Variants in DPY30 observed in about 807,000 individuals in gnomAD.
DPY30 encodes the protein dpy-30 histone methyltransferase complex regulatory subunit, also known as protein dpy-30 homolog.
DPY30 carries 6 observed loss-of-function variants against 16.2 expected under a neutral mutation model. The ratio of observed to expected loss-of-function variants is 0.37; its 90% CI spans 0.20 to 0.73. DPY30 has a LOEUF of 0.73. Among genes scored for constraint, DPY30 ranks in the 30% least tolerant of loss-of-function variants. The pLI is 0.51. For synonymous variants in DPY30, 39 were observed against 38.8 expected (o/e 1.00, Z -0.02); for missense variants, 73 against 113.1 (o/e 0.65, Z 1.61).
chr2:32,038,797 A>G (rs1675853729), intron 3 of DPY30, among the ~76,000 whole-genome samples: 1 of 151,842 alleles, frequency 6.6e-6, no homozygotes, highest in Admixed American at 6.6e-5. Flanking sequence ...ACAGTCATCC[A>G]CCATCATGCC....
chr2:32,024,414 A>AAAT (rs1675259795), intron 4 of DPY30, among the ~76,000 whole-genome samples, 158 bp from the exon 5 acceptor site: 2 of 152,246 alleles, frequency 1.3e-5, no homozygotes, highest in Admixed American at 1.3e-4. Flanking sequence ...ATAAGCAAGC[A>AAAT]AATTAATTAG....
chr2:32,012,692 C>A (rs1197558212), intron 5 of DPY30, among the ~76,000 whole-genome samples: 1 of 152,070 alleles, frequency 6.6e-6, no homozygotes, highest in African/African-American at 2.4e-5. Flanking sequence ...CCGGCCTCGG[C>A]CTCCCAAAGT....
intron 4 of DPY30, among the ~76,000 whole-genome samples, chr2:32,027,283 A>C (rs1480109083): frequency 6.6e-6 from 1 of 150,808 alleles, no homozygotes; most frequent in Non-Finnish European, 1.5e-5. Flanking sequence ...AAAAAAAAAA[A>C]AAAAAACCAG....
intron 3 of DPY30, among the ~76,000 whole-genome samples, chr2:32,030,422 A>G (rs34569213): frequency 0.14 from 21,621 of 151,988 alleles, 1,803 homozygotes; most frequent in Middle Eastern, 0.26. Context: ...CGAGATCAGG[A>G]TATCGAGACC....
chr2:32,035,929 T>C (rs1675716868), intron 3 of DPY30, among the ~76,000 whole-genome samples: 1 of 139,564 alleles, frequency 7.2e-6, no homozygotes, highest in African/African-American at 2.7e-5. Flanking sequence ...CAAGACTCAG[T>C]CTCGAAGAAA....
intron 4 of DPY30, among the ~76,000 whole-genome samples, chr2:32,027,435 C>A (rs1393893009): frequency 6.7e-6 from 1 of 149,146 alleles, no homozygotes; most frequent in Non-Finnish European, 1.5e-5. Context: ...GAGGCTGAGG[C>A]AAGAGAACTG....
downstream of DPY30, among the ~76,000 whole-genome samples, chr2:32,022,510 ATTT>A (rs70964747): frequency 1.3e-5 from 2 of 149,202 alleles, no homozygotes; most frequent in Non-Finnish European, 1.5e-5. Context: ...GTATTTATGT[ATTT>A]TTTTTTTTAA....
chr2:32,024,871 T>C (rs1204160031), intron 4 of DPY30, among the ~76,000 whole-genome samples: 1 of 152,184 alleles, frequency 6.6e-6, no homozygotes, highest in African/African-American at 2.4e-5. Flanking sequence ...TTCTATTTAA[T>C]ACAACTACAG....
chr2:32,018,495 A>T (rs1006505209), intron 5 of DPY30, among the ~76,000 whole-genome samples: 1 of 152,226 alleles, frequency 6.6e-6, no homozygotes, highest in Non-Finnish European at 1.5e-5. Context: ...TGAGAGGCTT[A>T]GGCAGGTGGA....
rs528492330 is a variant in DPY30, at chr2:32,038,772, C to A, written c.84+507G>T. On this transcript the variant is annotated intron_variant, in intron 3 of 4. Coordinates refer to ENST00000342166, the MANE Select transcript of DPY30 (RefSeq NM_001321209.2). The stretch of plus-strand genomic sequence containing the variant: ...AAGAGATTCTCTGGCCTCAGCCACC[C>A]GAACAGATAGGATTACAGTCATCCA... Among the ~76,000 whole-genome samples, 7 of 151,794 alleles carry A rather than the reference C, an allele frequency of 4.6e-5. No homozygotes were observed. The East Asian group carries it at 1.2e-3, about 25-fold the overall frequency.
At chr2:32,030,538 G>A (rs1266409959) in intron 3 of DPY30, among the ~76,000 whole-genome samples, 1 of 151,584 alleles carries the variant, frequency 6.6e-6, no homozygotes, top group Non-Finnish European at 1.5e-5. Flanking sequence ...GCTGAAGCAG[G>A]AGAATGGCGT....
At position 32,030,456 on chromosome 2, in the gene DPY30, C is replaced by G. The variant is rs591625; in HGVS notation, c.85-720G>C. ...CCATCCTGGCTAACACAGTGAAACC[C>G]CATCTCTATTAAAAATACAAACAAT... On this transcript the variant is annotated intron_variant, in intron 3 of 4. Coordinates refer to ENST00000342166, the MANE Select transcript of DPY30 (RefSeq NM_001321209.2). Among the ~76,000 whole-genome samples, 3 of 151,918 alleles carry G rather than the reference C, an allele frequency of 2.0e-5. No homozygotes were observed. The East Asian group carries it at 5.8e-4, about 29-fold the overall frequency.
chr2:32,039,220 A>G (rs981015226), intron 3 of DPY30, 59 bp downstream of exon 3: 1 of 1,610,530 alleles, frequency 6.2e-7, no homozygotes, highest in African/African-American at 1.3e-5. Flanking sequence ...AGCAGATCCC[A>G]AGTTTTCTCC....
chr2:32,019,804 G>A (rs1201234917), downstream of DPY30, among the ~76,000 whole-genome samples: 2 of 101,096 alleles, frequency 2.0e-5, no homozygotes, highest in East Asian at 5.7e-4. Flanking sequence ...TGGGCAAAAA[G>A]AGCAAAACTC....
At chr2:32,017,433 A>G (rs1023774576) in intron 5 of DPY30, among the ~76,000 whole-genome samples, 7 of 151,970 alleles carry the variant, frequency 4.6e-5, no homozygotes, top group Admixed American at 2.0e-4. Flanking sequence ...CCTGGCCAAC[A>G]TGGTGAAACC....
intron 3 of DPY30, among the ~76,000 whole-genome samples, chr2:32,030,564 A>C (rs1675498105): frequency 6.7e-6 from 1 of 150,372 alleles, no homozygotes; most frequent in Admixed American, 6.7e-5. Context: ...TGGGAGGCGG[A>C]GCTTGCAGTG....
Position 32,031,554 on chromosome 2 carries a change from G to A in DPY30, c.85-1818C>T, listed in dbSNP as rs571979358. Among the ~76,000 whole-genome samples, 9 of 151,856 alleles carry A rather than the reference G, an allele frequency of 5.9e-5. No individual in the cohort carries two copies. The East Asian group carries it at 1.7e-3, about 29-fold the overall frequency. On this transcript the variant is annotated intron_variant, in intron 3 of 4. Transcript: ENST00000342166. ...AGTGGTTGCAGTGAGCTGAGGTCAT[G>A]CCACTGCACTCCAGCCTGGGTAACA...
chr2:32,033,405 G>A (rs1427491546), intron 3 of DPY30, among the ~76,000 whole-genome samples: 1 of 152,192 alleles, frequency 6.6e-6, no homozygotes, highest in Non-Finnish European at 1.5e-5. Flanking sequence ...GGGCATGGTG[G>A]CTCACGCCTG....
At position 32,029,747 on chromosome 2, in the gene DPY30, C is replaced by CA. The variant is rs1341356683; in HGVS notation, c.85-12dup. ...ATTTTCTACTATTCTCTAGTGAATTCAAAAAAACAGTGCATGAACATTTCA... is the reference window on the plus strand; with the variant it reads ...ATTTTCTACTATTCTCTAGTGAATTCAAAAAAAACAGTGCATGAACATTTCA... On this transcript the variant is annotated splice_polypyrimidine_tract_variant and intron_variant, in intron 3 of 4. Transcript: ENST00000342166. 4 of 1,610,462 alleles carry CA rather than the reference C, an allele frequency of 2.5e-6. No individual in the cohort carries two copies. The highest frequency in any genetic ancestry group is 1.3e-5 in the African/African-American group (1 of 74,518).
Sources: allele counts gnomAD v4.1 joint callset (sites outside exome capture counted in the v4.1 genomes callset), GRCh38; gene constraint gnomAD v4.1.1; transcripts MANE v1.5; gene names NCBI Gene and HGNC (gene_info 2026-07-23, HGNC 2026-07-21).